ANO3: variants seen among roughly 807,000 people sequenced by gnomAD.
The protein encoded by ANO3 is anoctamin 3.
Under a neutral mutation model 144.8 loss-of-function variants are expected in ANO3, and 99 were observed. That is an observed-to-expected ratio of 0.68 (90% confidence interval 0.58 to 0.81). ANO3 has a LOEUF of 0.81. Among genes scored for constraint, ANO3 ranks in the 30% least tolerant of loss-of-function variants. ANO3 has a pLI of 0.00. For synonymous variants in ANO3, 414 were observed against 392.6 expected (o/e 1.05, Z -0.64); for missense variants, 905 against 1,202.2 (o/e 0.75, Z 3.66).
intron 14 of ANO3, among the ~76,000 whole-genome samples, chr11:26,570,915 G>A (rs917006875): frequency 2.0e-5 from 3 of 151,926 alleles, no homozygotes; most frequent in African/African-American, 4.8e-5. Context: ...TAACCAACTA[G>A]AAAAAGGATT....
At chr11:26,636,418 A>G (rs1852960288) in intron 20 of ANO3, among the ~76,000 whole-genome samples, 2 of 152,228 alleles carry the variant, frequency 1.3e-5, no homozygotes, top group South Asian at 4.1e-4. Flanking sequence ...AATATTTTTT[A>G]TGAAATCAAT....
intron 1 of ANO3, among the ~76,000 whole-genome samples, chr11:26,377,363 AAAG>A (rs139733656): frequency 0.014 from 2,171 of 152,256 alleles, 24 homozygotes; most frequent in Non-Finnish European, 0.021. Context: ...AAGATAATAA[AAAG>A]AAGGAATTTG....
intron 1 of ANO3, among the ~76,000 whole-genome samples, chr11:26,377,504 G>A (rs185151526): frequency 2.2e-4 from 34 of 152,050 alleles, no homozygotes; most frequent in Admixed American, 6.6e-4. Context: ...GAATAAAAAC[G>A]CAAAATATAA....
intron 1 of ANO3, among the ~76,000 whole-genome samples, chr11:26,292,155 CATTT>C (rs1853973451): frequency 6.6e-6 from 1 of 152,026 alleles, no homozygotes; most frequent in Admixed American, 6.6e-5. Flanking sequence ...TCATTTCATT[CATTT>C]GATCTTCAAT....
At chr11:26,553,214 G>GTT (rs765970231) in intron 12 of ANO3, 35 bp from the exon 13 acceptor site, 10 of 1,208,664 alleles carry the variant, frequency 8.3e-6, no homozygotes, top group African/African-American at 1.9e-5. Context: ...TTCATGCTAT[G>GTT]TTTTGTTTTG....
chr11:26,300,204 GCACACACACACAGA>G (rs972095694), intron 1 of ANO3, among the ~76,000 whole-genome samples: 81 of 151,278 alleles, frequency 5.4e-4, no homozygotes, highest in African/African-American at 1.6e-3. Flanking sequence ...AAGCACGCAC[GCACACACACACAGA>G]CACACACACA....
At chr11:26,282,640 A>C (rs1853706079) in intron 1 of ANO3, among the ~76,000 whole-genome samples, 1 of 152,162 alleles carries the variant, frequency 6.6e-6, no homozygotes, top group Non-Finnish European at 1.5e-5. Context: ...AAGCTCATCT[A>C]CATGACTAAA....
intron 20 of ANO3, among the ~76,000 whole-genome samples, chr11:26,637,115 C>T (rs1349481930): frequency 2.0e-5 from 3 of 152,116 alleles, no homozygotes; most frequent in Non-Finnish European, 2.9e-5. Context: ...GATAGACTGG[C>T]TTTAGTGCAA....
intron 14 of ANO3, among the ~76,000 whole-genome samples, chr11:26,590,105 T>TA (rs1330115099): frequency 6.6e-6 from 1 of 152,150 alleles, no homozygotes; most frequent in Non-Finnish European, 1.5e-5. Flanking sequence ...CTTTGAGGGT[T>TA]AAAGGATACA....
chr11:26,249,637 TTTATA>T (rs550657686), intron 1 of ANO3, among the ~76,000 whole-genome samples: 17 of 152,188 alleles, frequency 1.1e-4, no homozygotes, highest in African/African-American at 1.7e-4. Flanking sequence ...TTAAATATAT[TTTATA>T]TTATATTATT....
At chr11:26,215,981 T>G (rs1852028935) in intron 1 of ANO3, among the ~76,000 whole-genome samples, 1 of 152,052 alleles carries the variant, frequency 6.6e-6, no homozygotes, top group Non-Finnish European at 1.5e-5. Flanking sequence ...TTATTTATAC[T>G]GTTTTTTATA....
chr11:26,309,970 A>T (rs1165651353), intron 1 of ANO3, among the ~76,000 whole-genome samples: 1 of 152,234 alleles, frequency 6.6e-6, no homozygotes, highest in Non-Finnish European at 1.5e-5. Context: ...AAGAGCTCAC[A>T]TACAAAAACA....
At chr11:26,488,288 T>C (rs748406068) in intron 4 of ANO3, among the ~76,000 whole-genome samples, 24 of 152,112 alleles carry the variant, frequency 1.6e-4, no homozygotes, top group Non-Finnish European at 2.2e-4. Flanking sequence ...TGAGGAGAAA[T>C]TTAAGCTGGC....
intron 1 of ANO3, among the ~76,000 whole-genome samples, chr11:26,317,768 A>G (rs1854660854): frequency 6.6e-6 from 1 of 152,186 alleles, no homozygotes. Flanking sequence ...GTATATACCC[A>G]AAGGATTATA....
At chr11:26,621,457 GCTCC>G (rs1852413424) in intron 17 of ANO3, among the ~76,000 whole-genome samples, 1 of 151,926 alleles carries the variant, frequency 6.6e-6, no homozygotes, top group Non-Finnish European at 1.5e-5. Flanking sequence ...TTTCTGCTTG[GCTCC>G]CTCCCTCATT....
intron 24 of ANO3, among the ~76,000 whole-genome samples, chr11:26,650,787 G>A (rs181296837): frequency 2.5e-4 from 38 of 152,204 alleles, no homozygotes; most frequent in Non-Finnish European, 4.9e-4. Context: ...AAAGCGTAAT[G>A]GTCGTCTCAA....
chr11:26,604,043 A>C (rs2132944317), intron 17 of ANO3, among the ~76,000 whole-genome samples: 1 of 151,906 alleles, frequency 6.6e-6, no homozygotes, highest in East Asian at 1.9e-4. Context: ...GAACACTAGA[A>C]CTTATTTATT....
chr11:26,200,276 A>C (rs1020789181), intron 1 of ANO3, among the ~76,000 whole-genome samples: 5 of 152,108 alleles, frequency 3.3e-5, no homozygotes, highest in African/African-American at 1.2e-4. Flanking sequence ...ACATGTAGCT[A>C]TTTGTAGTTT....
chr11:26,270,031 G>GA (rs1853407116), intron 1 of ANO3, among the ~76,000 whole-genome samples: 1 of 152,292 alleles, frequency 6.6e-6, no homozygotes, highest in East Asian at 1.9e-4. Flanking sequence ...AAACCAAGGA[G>GA]AGAGGCCTCA....
Sources: allele counts gnomAD v4.1 joint callset (sites outside exome capture counted in the v4.1 genomes callset), GRCh38; gene constraint gnomAD v4.1.1; transcripts MANE v1.5; gene names NCBI Gene and HGNC (gene_info 2026-07-23, HGNC 2026-07-21).